Variants in EEF1AKMT3 observed in about 807,000 individuals in gnomAD.
EEF1AKMT3 encodes eEF1A-KMT3.
Under a neutral mutation model 17.8 loss-of-function variants are expected in EEF1AKMT3, and 17 were observed. That is an observed-to-expected ratio of 0.96 (90% CI 0.65 to 1.43). The LOEUF (loss-of-function observed/expected upper bound fraction) is 1.43, where lower values mean the gene tolerates loss of function less well. EEF1AKMT3 is among the 40% of genes most tolerant of loss of function. The pLI, the probability that EEF1AKMT3 is intolerant of heterozygous loss-of-function variation, is 0.00. For missense variants in EEF1AKMT3, 244 were observed against 285.8 expected, an observed-to-expected ratio of 0.85 and a Z score of 1.06; for synonymous variants, 116 against 126.5, an observed-to-expected ratio of 0.92 and a Z score of 0.56.
rs967066733 is a variant in EEF1AKMT3 at position 57,780,936 on chromosome 12, G to A, written c.*290G>A. ...ATGGTAAGGTATCCAGGATTTTTAG[G>A]GGGTAAGGGAGATATATGGGATGTG... On this transcript the variant is annotated 3_prime_UTR_variant, in exon 3 of 3. Transcript: ENST00000300209. 1.0e-5 allele frequency: 5 copies of A among 482,542 alleles called. No homozygotes were observed. The highest frequency in any genetic ancestry group is 2.4e-5 in the South Asian group (1 of 41,276). The allele number at this position is 482,542 out of a possible 1,614,324, so 29.9% of individuals were successfully genotyped here.
intron 2 of EEF1AKMT3, among the ~76,000 whole-genome samples, chr12:57,779,720 T>C (rs1955500754): frequency 6.6e-6 from 1 of 152,240 alleles, no homozygotes; most frequent in South Asian, 2.1e-4. Context: ...CTTCTTAGCA[T>C]GTCATAATCA....
At chr12:57,779,216 A>C (rs1011749926) in intron 2 of EEF1AKMT3, among the ~76,000 whole-genome samples, 15 of 152,086 alleles carry the variant, frequency 9.9e-5, no homozygotes, top group Non-Finnish European at 1.9e-4. Flanking sequence ...TGGTCCCTCT[A>C]ACTTGCATTT....
chr12:57,776,538 C>A (rs965941440), intron 2 of EEF1AKMT3, among the ~76,000 whole-genome samples: 1 of 152,238 alleles, frequency 6.6e-6, no homozygotes, highest in Non-Finnish European at 1.5e-5. Flanking sequence ...ACTTTTTCTG[C>A]CACTCTCCTG....
chr12:57,780,600 AT>A lies in EEF1AKMT3; in HGVS notation c.636del (p.Asn212LysfsTer28). On this transcript the variant is annotated frameshift_variant, in exon 3 of 3. Coordinates refer to ENST00000300209, the MANE Select transcript of EEF1AKMT3 (RefSeq NM_015433.3). LOFTEE classifies it high-confidence loss of function. ...LELAQRDEDE[N>X]VNIYRARHRE... is the part of the protein sequence containing the mutation. ...CTGGCTCAGCGGGATGAGGATGAAA[AT>A]GTCAACATCTATAGGGCCAGGCACA... is the stretch of plus-strand genomic sequence containing the variant. 1.2e-6 allele frequency: 2 copies of A among 1,612,610 alleles called. No homozygotes were observed. The highest frequency in any genetic ancestry group is 1.7e-6 in the Non-Finnish European group (2 of 1,180,018).
intron 2 of EEF1AKMT3, chr12:57,774,674 A>T (rs779157713): frequency 2.5e-6 from 4 of 1,608,930 alleles, no homozygotes; most frequent in Non-Finnish European, 3.4e-6. Flanking sequence ...GTCATAGAAC[A>T]AGAACTCTGG....
At position 57,780,212 on chromosome 12, in the gene EEF1AKMT3, T is replaced by A. The variant is rs1354797825; in HGVS notation, c.290-43T>A. ...CCAGGCAGGAGCCAAGAACCCTTGGTTGGTTCCTCTGACTTGCATTTTTCC... is the reference window on the plus strand; with the variant it reads ...CCAGGCAGGAGCCAAGAACCCTTGGATGGTTCCTCTGACTTGCATTTTTCC... On this transcript the variant is annotated intron_variant, in intron 2 of 2. Transcript: ENST00000300209. 7 of 1,601,394 alleles carry A rather than the reference T, an allele frequency of 4.4e-6. No homozygotes were observed. The Admixed American group carries it at 1.1e-4, about 25-fold the overall frequency.
At position 57,772,689 on chromosome 12, in the gene EEF1AKMT3, C is replaced by G. The variant is rs777223738; in HGVS notation, c.-36C>G. On this transcript the variant is annotated 5_prime_UTR_variant, in exon 1 of 3. Transcript: ENST00000300209. This position sits in a 1 kb window ranked among gnomAD's most constrained non-coding sequence, Gnocchi z 4.1. ...CGCTCCGGATCCGGGATCTGAGCGC[C>G]GGCCGCGGTGCCCAGGCACTCCCTT... The G allele has an allele frequency of 1.9e-6, 3 of 1,584,614 alleles. No homozygotes were observed. Among genetic ancestry groups the G allele is most frequent in the South Asian group, 1.2e-5 (1 of 86,792 alleles).
Position 57,775,051 on chromosome 12 carries a change from G to A in EEF1AKMT3, c.289+1923G>A, listed in dbSNP as rs1292379944. Among the ~76,000 whole-genome samples the A allele has an allele frequency of 2.2e-5, 3 of 133,376 alleles. No homozygotes were observed. In the East Asian group the frequency reaches 7.3e-4, roughly 33 times the overall value. The allele number at this position is 133,376 out of a possible 152,430, so 87.5% of individuals were successfully genotyped here. ...ACCCGGGAGGCGGAGGTTGCAGTGA[G>A]CCAAGATTGCACCGTTGCACTCCAG... On this transcript the variant is annotated intron_variant, in intron 2 of 2. Transcript: ENST00000300209.
chr12:57,780,259 G>T lies in EEF1AKMT3; in HGVS notation c.294G>T (p.Gly98=). The part of the protein sequence containing the change: ...IVGILAALQG[G]DVTITDLPLA... Reference sequence around the variant, plus strand: ...TTCCTCCTTCCTCTCTCTCAGGGGGGGATGTTACCATCACTGACCTGCCCC... The same window carrying T: ...TTCCTCCTTCCTCTCTCTCAGGGGGTGATGTTACCATCACTGACCTGCCCC... Residue 98 remains glycine (G), a synonymous_variant, in exon 3 of 3, where the codon GGG becomes GGT. Coordinates refer to ENST00000300209, the MANE Select transcript of EEF1AKMT3 (RefSeq NM_015433.3). 1.2e-6 allele frequency: 2 copies of T among 1,611,880 alleles called. No homozygotes were observed. Among genetic ancestry groups the T allele is most frequent in the South Asian group, 2.2e-5 (2 of 90,896 alleles).
chr12:57,773,254 T>A (rs946468815), intron 2 of EEF1AKMT3, 126 bp downstream of exon 2: 56 of 832,116 alleles, frequency 6.7e-5, no homozygotes, highest in African/African-American at 8.7e-5. Context: ...TTTTAACAAA[T>A]TTTTTTTTAA....
At chr12:57,780,110 G>C (rs1740301177) in intron 2 of EEF1AKMT3, 145 bp from the exon 3 acceptor site, 1 of 858,704 alleles carries the variant, frequency 1.2e-6, no homozygotes, top group Non-Finnish European at 1.8e-6. Flanking sequence ...TGAAATGGAG[G>C]TTGAGGCAAC....
At chr12:57,778,456 C>T (rs1172788981) in intron 2 of EEF1AKMT3, among the ~76,000 whole-genome samples, 1 of 151,648 alleles carries the variant, frequency 6.6e-6, no homozygotes, top group Non-Finnish European at 1.5e-5. Context: ...TGTGCCACCA[C>T]ACCCAGCTAA....
At position 57,780,679 on chromosome 12, in the gene EEF1AKMT3, T is replaced by C; in HGVS notation, c.*33T>C. ...CTTGCTGTTCTTCTCAATCTCTTGC[T>C]CTAATGAAGGAACTGTGTATCTCAA... On this transcript the variant is annotated 3_prime_UTR_variant, in exon 3 of 3. Coordinates refer to ENST00000300209, the MANE Select transcript of EEF1AKMT3 (RefSeq NM_015433.3). The C allele has an allele frequency of 1.3e-6, 2 of 1,598,806 alleles. No homozygotes were observed. Among genetic ancestry groups the C allele is most frequent in the Non-Finnish European group, 1.7e-6 (2 of 1,179,266 alleles).
chr12:57,774,193 A>G (rs1955465388), intron 2 of EEF1AKMT3, among the ~76,000 whole-genome samples: 1 of 152,218 alleles, frequency 6.6e-6, no homozygotes, highest in Non-Finnish European at 1.5e-5. Context: ...ATATTAAGGG[A>G]AGCCTAGCCG....
In EEF1AKMT3 at chr12:57,780,834, A is replaced by G; in HGVS notation, c.*188A>G. ...CAGGTGCAGTGAGGTGCCTGCTTACAAGGAATCCCAGAGTTCTGGCAGCAC... is the reference window on the plus strand; with the variant it reads ...CAGGTGCAGTGAGGTGCCTGCTTACGAGGAATCCCAGAGTTCTGGCAGCAC... On this transcript the variant is annotated 3_prime_UTR_variant, in exon 3 of 3. Coordinates refer to ENST00000300209, the MANE Select transcript of EEF1AKMT3 (RefSeq NM_015433.3). 3 of 716,428 alleles carry G rather than the reference A, an allele frequency of 4.2e-6. No homozygotes were observed. In the South Asian group the frequency reaches 5.8e-5, roughly 14 times the overall value. The allele number at this position is 716,428 out of a possible 1,614,324, so 44.4% of individuals were successfully genotyped here.
intron 2 of EEF1AKMT3, 134 bp downstream of exon 2, chr12:57,773,262 T>A (rs990355264): frequency 8.8e-5 from 74 of 836,400 alleles, no homozygotes; most frequent in Middle Eastern, 3.2e-4. Flanking sequence ...AATTTTTTTT[T>A]AAAATTTGTT....
chr12:57,777,873 G>T (rs1315229532), intron 2 of EEF1AKMT3, among the ~76,000 whole-genome samples: 2 of 152,084 alleles, frequency 1.3e-5, no homozygotes, highest in Non-Finnish European at 2.9e-5. Flanking sequence ...TACAAAATTA[G>T]CCGGGCGTGG....
chr12:57,780,569 C>A lies in EEF1AKMT3; in HGVS notation c.604C>A (p.Leu202Met), dbSNP rs779698090. The change falls in exon 3 of 3, where the codon CTG (leucine) becomes ATG (methionine). Residue 202 changes from leucine (L) to methionine (M), a missense_variant. Leu to Met is a conservative substitution (Grantham distance 15). Coordinates refer to ENST00000300209, the MANE Select transcript of EEF1AKMT3 (RefSeq NM_015433.3). Reference protein sequence around the residue: ...FQHLLPQHFQLELAQRDEDEN... With the variant: ...FQHLLPQHFQMELAQRDEDEN... ...GCACCTCCTGCCCCAGCATTTCCAA[C>A]TGGAGCTGGCTCAGCGGGATGAGGA... is the stretch of plus-strand genomic sequence containing the variant. 6.2e-7 allele frequency: 1 copy of A among 1,613,930 alleles called. No homozygotes were observed. The highest frequency in any genetic ancestry group is 1.7e-5 in the Admixed American group (1 of 60,020).
Position 57,772,731 on chromosome 12 carries a change from G to A in EEF1AKMT3, c.7G>A (p.Asp3Asn), listed in dbSNP as rs543507120. The A allele has an allele frequency of 7.4e-6, 12 of 1,612,468 alleles. No individual in the cohort carries two copies. The South Asian group carries it at 1.2e-4, about 16-fold the overall frequency. Reference protein sequence around the residue: MADPGPDPESESE... With the variant: MANPGPDPESESE... ...CACTCCCTTGGCGGGCCGGATGGCGGACCCCGGCCCAGATCCCGAATCTGA... is the reference window on the plus strand; with the variant it reads ...CACTCCCTTGGCGGGCCGGATGGCGAACCCCGGCCCAGATCCCGAATCTGA... Residue 3 changes from aspartate to asparagine, a missense_variant, in exon 1 of 3, where the codon GAC becomes AAC. By Grantham distance (23) the Asp-to-Asn change is conservative (BLOSUM62 1). Transcript: ENST00000300209. The surrounding 1 kb of genome is among the most constrained non-coding windows in gnomAD (Gnocchi z 4.1).
Sources: allele counts gnomAD v4.1 joint callset (sites outside exome capture counted in the v4.1 genomes callset), GRCh38; gene constraint gnomAD v4.1.1; non-coding constraint Gnocchi (gnomAD v3.1); transcripts MANE v1.5; gene names NCBI Gene and HGNC (gene_info 2026-07-23, HGNC 2026-07-21).